The following PDE4D variants were observed in gnomAD, a reference collection of about 807,000 sequenced individuals.
The protein encoded by PDE4D is phosphodiesterase 4D.
PDE4D carries 24 observed loss-of-function variants against 87.4 expected under a neutral mutation model. That is an observed-to-expected ratio of 0.27 (90% CI 0.20 to 0.39). PDE4D has a LOEUF of 0.39. Ranked by LOEUF, PDE4D falls within the 10% of genes least tolerant of loss-of-function variation. PDE4D has a pLI of 1.00. For synonymous variants in PDE4D, 384 were observed against 383.2 expected, an observed-to-expected ratio of 1.00 and a Z score of -0.02; for missense variants, 714 against 1,041.0, an observed-to-expected ratio of 0.69 and a Z score of 4.32.
At chr5:60,301,811 G>C (rs1426665747) in intron 1 of PDE4D, among the ~76,000 whole-genome samples, 1 of 152,006 alleles carries the variant, frequency 6.6e-6, no homozygotes, top group Non-Finnish European at 1.5e-5. Context: ...CTGTAGATTT[G>C]TCATATATGG....
At chr5:59,688,643 C>T (rs1437601332) in intron 1 of PDE4D, among the ~76,000 whole-genome samples, 2 of 152,142 alleles carry the variant, frequency 1.3e-5, no homozygotes, top group Non-Finnish European at 2.9e-5. Context: ...GACACCCTAA[C>T]AGCACAATTA....
At chr5:59,840,679 T>G (rs1376854963) in intron 1 of PDE4D, among the ~76,000 whole-genome samples, 1 of 151,744 alleles carries the variant, frequency 6.6e-6, no homozygotes, top group Non-Finnish European at 1.5e-5. Context: ...CAGAAGAGGG[T>G]GTGGTGAGGT....
At chr5:59,358,124 T>C (rs1300642091) in intron 1 of PDE4D, among the ~76,000 whole-genome samples, 1 of 152,224 alleles carries the variant, frequency 6.6e-6, no homozygotes, top group African/African-American at 2.4e-5. Flanking sequence ...ACATTAAACA[T>C]TATGCTTGTT....
intron 3 of PDE4D, among the ~76,000 whole-genome samples, chr5:59,914,869 GTGTGT>G (rs1561855554): frequency 0.085 from 4,231 of 49,586 alleles, 139 homozygotes; most frequent in African/African-American, 0.24. Flanking sequence ...TGATAGGGGT[GTGTGT>G]GTGTGTGTGT....
intron 1 of PDE4D, among the ~76,000 whole-genome samples, chr5:59,664,196 C>A (rs1326381276): frequency 6.6e-6 from 1 of 152,050 alleles, no homozygotes; most frequent in Non-Finnish European, 1.5e-5. Flanking sequence ...TTTCCTACAC[C>A]TTCATTTCCT....
Position 60,179,165 on chromosome 5 carries a change from C to T in PDE4D, c.42+6392G>A, listed in dbSNP as rs1784175071. On this transcript the variant is annotated intron_variant, in intron 2 of 16. Transcript: ENST00000502484. Reference sequence around the variant, plus strand: ...GCTATAAGTAGGGCGGTATCCCTACCCCCATGTGTGTGGCGTATGACATAT... The same window carrying T: ...GCTATAAGTAGGGCGGTATCCCTACTCCCATGTGTGTGGCGTATGACATAT... Among the ~76,000 whole-genome samples, 4 of 151,910 alleles carry T rather than the reference C, an allele frequency of 2.6e-5. 1 individual carries two copies. In the South Asian group the frequency reaches 6.2e-4, roughly 24 times the overall value.
chr5:59,575,206 T>C (rs1039945969), intron 1 of PDE4D, among the ~76,000 whole-genome samples: 4 of 152,142 alleles, frequency 2.6e-5, no homozygotes, highest in African/African-American at 9.7e-5. Context: ...CAGTGAAAGA[T>C]GTATAAAAAG....
intron 1 of PDE4D, among the ~76,000 whole-genome samples, chr5:59,593,998 T>A (rs1186959703): frequency 6.6e-6 from 1 of 151,848 alleles, no homozygotes; most frequent in South Asian, 2.1e-4. Context: ...CCTGCTGGGG[T>A]TTTTTGTTCC....
intron 1 of PDE4D, among the ~76,000 whole-genome samples, chr5:59,234,348 C>T (rs539666178): frequency 8.5e-5 from 13 of 152,152 alleles, no homozygotes; most frequent in Admixed American, 2.0e-4. Context: ...CACTTATCCT[C>T]TTTTAAAAAA....
intron 1 of PDE4D, among the ~76,000 whole-genome samples, chr5:59,803,236 GACGGTACAT>G (rs1005821495): frequency 7.9e-5 from 12 of 151,976 alleles, no homozygotes; most frequent in Non-Finnish European, 1.5e-4. Context: ...GAGCTCATTA[GACGGTACAT>G]AATTGGATCC....
intron 1 of PDE4D, chr5:59,314,200 G>A (rs1350020419): frequency 1.3e-5 from 2 of 152,078 alleles, no homozygotes; most frequent in East Asian, 3.9e-4. Flanking sequence ...ACTGCCCTGT[G>A]AGGGAAGTTC....
chr5:60,378,579 C>T (rs901148814), intron 1 of PDE4D, among the ~76,000 whole-genome samples: 4 of 152,128 alleles, frequency 2.6e-5, no homozygotes, highest in African/African-American at 9.7e-5. Context: ...AAGGGCCAGG[C>T]ATGGTGGCTC....
chr5:60,211,184 C>G lies in PDE4D; in HGVS notation c.-89-25497G>C, dbSNP rs970458655. 5.9e-5 allele frequency among the ~76,000 whole-genome samples: 9 copies of G among 152,206 alleles called. No individual in the cohort carries two copies. The South Asian group carries it at 1.9e-3, about 32-fold the overall frequency. On this transcript the variant is annotated intron_variant, in intron 1 of 16. Transcript: ENST00000502484. ...CGAAACCGTCATTCCGGAAACACAG[C>G]TCCTAATACATTTCTCTGCACCCAG...
Position 59,526,618 on chromosome 5 carries a change from C to A in PDE4D, c.456-310650G>T, listed in dbSNP as rs373967941. The stretch of plus-strand genomic sequence containing the variant: ...TTTAAAATAGCAAGAGGAATCTTTT[C>A]CCATTGCTTAATTTTATTTTTTTGA... On this transcript the variant is annotated intron_variant, in intron 1 of 14. Coordinates refer to ENST00000340635, the MANE Select transcript of PDE4D (RefSeq NM_001104631.2). Among the ~76,000 whole-genome samples, 44 of 152,236 alleles carry A rather than the reference C, an allele frequency of 2.9e-4. No homozygotes were observed. The South Asian group carries it at 6.0e-3, about 21-fold the overall frequency.
chr5:60,084,035 A>G (rs1774264651), intron 2 of PDE4D, among the ~76,000 whole-genome samples: 1 of 152,162 alleles, frequency 6.6e-6, no homozygotes, highest in Non-Finnish European at 1.5e-5. Context: ...TATATTGTTC[A>G]CTTTTTCATA....
rs982415183 is a variant in PDE4D, at chr5:60,020,379, C to T, written c.43-31662G>A. Among the ~76,000 whole-genome samples, 7 of 152,276 alleles carry T rather than the reference C, an allele frequency of 4.6e-5. No individual in the cohort carries two copies. The East Asian group carries it at 1.3e-3, about 29-fold the overall frequency. Reference sequence around the variant, plus strand: ...GCTGTGGAAAAATGGCATCAATACACTTGTTAGATGTAGAGTTTTCACAAA... The same window carrying T: ...GCTGTGGAAAAATGGCATCAATACATTTGTTAGATGTAGAGTTTTCACAAA... On this transcript the variant is annotated intron_variant, in intron 2 of 16. Coordinates refer to the PDE4D transcript ENST00000502484.
intron 1 of PDE4D, among the ~76,000 whole-genome samples, chr5:59,747,984 T>C (rs1172942702): frequency 6.6e-6 from 1 of 152,160 alleles, no homozygotes; most frequent in Admixed American, 6.6e-5. Flanking sequence ...TCATTTTTCT[T>C]CCTATCCCCT....
intron 1 of PDE4D, among the ~76,000 whole-genome samples, chr5:59,607,782 G>T (rs927234984): frequency 3.9e-5 from 6 of 151,932 alleles, no homozygotes; most frequent in Non-Finnish European, 8.8e-5. Context: ...AAGAAGGAAT[G>T]AAAAGGAAGC....
At position 59,901,399 on chromosome 5, in the gene PDE4D, G is replaced by A. The variant is rs1024673535; in HGVS notation, c.272+87089C>T. Among the ~76,000 whole-genome samples the A allele has an allele frequency of 7.9e-5, 12 of 152,098 alleles. 1 individual carries two copies. Among genetic ancestry groups the A allele is most frequent in the Admixed American group, 7.2e-4 (11 of 15,258 alleles). On this transcript the variant is annotated intron_variant, in intron 3 of 16. Transcript: ENST00000502484. ...AATAGTATTATAGTATTCATGCAAG[G>A]AAGGATTTTTTTAAAAGATACAAAA...
Sources: allele counts gnomAD v4.1 joint callset (sites outside exome capture counted in the v4.1 genomes callset), GRCh38; gene constraint gnomAD v4.1.1; transcripts MANE v1.5; gene names NCBI Gene and HGNC (gene_info 2026-07-23, HGNC 2026-07-21).